ZFP69: variants seen among roughly 807,000 people sequenced by gnomAD.
The protein encoded by ZFP69 is zinc finger protein 69 homolog.
A neutral mutation model predicts 48.9 loss-of-function variants in ZFP69; 35 were observed. That is an observed-to-expected ratio of 0.72 (90% confidence interval 0.55 to 0.95). The LOEUF (loss-of-function observed/expected upper bound fraction) is 0.95. Ranked by LOEUF, ZFP69 falls within the 40% of genes least tolerant of loss-of-function variation. ZFP69 has a pLI of 0.00. For missense variants in ZFP69, 557 were observed against 638.4 expected (o/e 0.87, Z 1.37); for synonymous variants, 193 against 216.8 (o/e 0.89, Z 0.96).
chr1:40,484,232 C>A (rs899384730), intron 3 of ZFP69, among the ~76,000 whole-genome samples: 3 of 152,106 alleles, frequency 2.0e-5, no homozygotes, highest in African/African-American at 7.2e-5. Flanking sequence ...CAGAGTCTCC[C>A]TCTGTCACCC....
Position 40,495,683 on chromosome 1 carries a change from T to A in ZFP69, c.1205T>A (p.Ile402Lys). ...FRQIRHLSEHIRIHTGEKPYA... is the reference protein window; with the variant it reads ...FRQIRHLSEHKRIHTGEKPYA... ...CAGATTAGACACCTTAGTGAACATA[T>A]AAGAATTCATACCGGGGAGAAGCCC... The change falls in exon 6 of 6, where the codon ATA (isoleucine) becomes AAA (lysine). Residue 402 changes from isoleucine to lysine, a missense_variant. Ile to Lys is a moderately radical substitution (Grantham distance 102). Coordinates refer to ENST00000372706, the MANE Select transcript of ZFP69 (RefSeq NM_001320179.2). 1.9e-6 allele frequency: 3 copies of A among 1,614,180 alleles called. No individual in the cohort carries two copies. The highest frequency in any genetic ancestry group is 2.2e-5 in the South Asian group (2 of 91,086).
chr1:40,488,636 A>G (rs1645530388), intron 3 of ZFP69, among the ~76,000 whole-genome samples: 1 of 152,164 alleles, frequency 6.6e-6, no homozygotes, highest in Non-Finnish European at 1.5e-5. Flanking sequence ...AGCCAAGGAC[A>G]CTGTCACCTT....
At chr1:40,478,171 C>A (rs941291702) in intron 1 of ZFP69, among the ~76,000 whole-genome samples, 1 of 148,642 alleles carries the variant, frequency 6.7e-6, no homozygotes, top group Non-Finnish European at 1.5e-5. Flanking sequence ...ACATACCCAT[C>A]CTTCTCCAAC....
chr1:40,490,381 G>A lies in ZFP69; in HGVS notation c.442+757G>A, dbSNP rs1025655208. Among the ~76,000 whole-genome samples, 11 of 152,258 alleles carry A rather than the reference G, an allele frequency of 7.2e-5. No individual in the cohort carries two copies. In the East Asian group the frequency reaches 1.7e-3, roughly 24 times the overall value. ...AAGGCAGATGGAATTTTAATATGTA[G>A]GTCAGAGTGCTCAAAGCCTCGGCTG... On this transcript the variant is annotated intron_variant, in intron 5 of 5. Coordinates refer to ENST00000372706, the MANE Select transcript of ZFP69 (RefSeq NM_001320179.2).
Position 40,486,387 on chromosome 1 carries a change from T to G in ZFP69, c.220-2701T>G, listed in dbSNP as rs549760506. 7.4e-4 allele frequency among the ~76,000 whole-genome samples: 112 copies of G among 151,172 alleles called. 2 individuals carry two copies. The highest frequency in any genetic ancestry group is 2.6e-3 in the African/African-American group (106 of 41,242). Reference sequence around the variant, plus strand: ...TGCTCTTTCTCCCTCCCTGCTTCCCTTCCTCCCTTCCTCCCTCCTTTCCTC... The same window carrying G: ...TGCTCTTTCTCCCTCCCTGCTTCCCGTCCTCCCTTCCTCCCTCCTTTCCTC... On this transcript the variant is annotated intron_variant, in intron 3 of 5. Transcript: ENST00000372706.
intron 5 of ZFP69, among the ~76,000 whole-genome samples, chr1:40,494,585 T>G (rs1645606249): frequency 6.8e-6 from 1 of 146,970 alleles, no homozygotes; most frequent in South Asian, 2.1e-4. Context: ...TTATATGATA[T>G]TTATAAATAT....
At chr1:40,485,046 CCAT>C (rs1645482176) in intron 3 of ZFP69, among the ~76,000 whole-genome samples, 1 of 151,794 alleles carries the variant, frequency 6.6e-6, no homozygotes, top group South Asian at 2.1e-4. Context: ...GCTCCCACCA[CCAT>C]GCCTGGCTAA....
intron 3 of ZFP69, among the ~76,000 whole-genome samples, chr1:40,487,243 C>T (rs948162626): frequency 1.3e-5 from 2 of 151,970 alleles, no homozygotes; most frequent in Admixed American, 1.3e-4. Context: ...TCTTGAGCAG[C>T]GCAGGTTTGA....
At position 40,495,385 on chromosome 1, in the gene ZFP69, G is replaced by T; in HGVS notation, c.907G>T (p.Glu303Ter). The change falls in exon 6 of 6, where the codon GAA (glutamate) becomes TAA (stop). Residue 303 changes from glutamate (E) to a stop codon, truncating the protein, a stop_gained. Transcript: ENST00000372706. LOFTEE classifies it high-confidence loss of function. ...HTGEKPFRCK[E>*]CGRAFSQSAS... Reference sequence around the variant, plus strand: ...TGGTGAGAAACCTTTCAGATGTAAGGAATGTGGAAGGGCCTTTAGTCAAAG... The same window carrying T: ...TGGTGAGAAACCTTTCAGATGTAAGTAATGTGGAAGGGCCTTTAGTCAAAG... The T allele has an allele frequency of 6.2e-7, 1 of 1,614,196 alleles. No homozygotes were observed. The highest frequency in any genetic ancestry group is 8.5e-7 in the Non-Finnish European group (1 of 1,180,044).
chr1:40,479,338 G>C lies in ZFP69; in HGVS notation c.-24G>C, dbSNP rs776983928. On this transcript the variant is annotated 5_prime_UTR_variant, in exon 2 of 6. Coordinates refer to ENST00000372706, the MANE Select transcript of ZFP69 (RefSeq NM_001320179.2). ...TCTGGCAATTTCCTCACCAGAAGTG[G>C]ACAAGTCCAGTAAGGCAGGCATCAT... The C allele has an allele frequency of 3.1e-6, 5 of 1,612,514 alleles. No homozygotes were observed. The highest frequency in any genetic ancestry group is 4.2e-6 in the Non-Finnish European group (5 of 1,179,280).
chr1:40,484,530 T>C (rs1645475721), intron 3 of ZFP69, among the ~76,000 whole-genome samples: 1 of 152,098 alleles, frequency 6.6e-6, no homozygotes, highest in Admixed American at 6.6e-5. Context: ...TGAATCATTT[T>C]TCCAGTATTC....
chr1:40,484,645 A>G (rs1645476830), intron 3 of ZFP69, among the ~76,000 whole-genome samples: 1 of 150,928 alleles, frequency 6.6e-6, no homozygotes, highest in Non-Finnish European at 1.5e-5. Context: ...CAGTGGTGCA[A>G]TCTTGGCTCA....
At chr1:40,494,514 C>T (rs547989981) in intron 5 of ZFP69, among the ~76,000 whole-genome samples, 1 of 146,620 alleles carries the variant, frequency 6.8e-6, no homozygotes, top group South Asian at 2.1e-4. Flanking sequence ...GTGATCCGCC[C>T]GCCTCGGCCT....
chr1:40,491,038 G>A (rs1053474942), intron 5 of ZFP69: 3 of 152,006 alleles, frequency 2.0e-5, no homozygotes, highest in Non-Finnish European at 2.9e-5. Context: ...CCATGTCTTC[G>A]TGCTTTTATT....
chr1:40,481,704 A>G (rs1021155902), intron 2 of ZFP69, 59 bp from the exon 3 acceptor site: 5 of 1,413,348 alleles, frequency 3.5e-6, no homozygotes, highest in Admixed American at 2.0e-5. Context: ...TCTGCAGGCA[A>G]TTTCTTTATT....
At chr1:40,494,256 ATTTTTTTTT>A (rs11286167) in intron 5 of ZFP69, among the ~76,000 whole-genome samples, 127 of 52,078 alleles carry the variant, frequency 2.4e-3, no homozygotes, top group African/African-American at 9.3e-3. Context: ...AAGATTCAAA[ATTTTTTTTT>A]TTTTTTTTTT....
intron 3 of ZFP69, among the ~76,000 whole-genome samples, chr1:40,483,103 T>TG (rs1259837213): frequency 6.6e-6 from 1 of 151,950 alleles, no homozygotes; most frequent in South Asian, 2.1e-4. Flanking sequence ...GTGGATCAAC[T>TG]GGGGGTGGAG....
At position 40,481,838 on chromosome 1, in the gene ZFP69, C is replaced by T. The variant is rs769989618; in HGVS notation, c.203C>T (p.Pro68Leu). ...SLEDEVTPGL[P>L]TAESQELLTF... Reference sequence around the variant, plus strand: ...GAGGATGAAGTGACCCCTGGACTCCCGACAGCAGAATCCCAGGTGAGTAGG... The same window carrying T: ...GAGGATGAAGTGACCCCTGGACTCCTGACAGCAGAATCCCAGGTGAGTAGG... Residue 68 changes from proline (P) to leucine (L), a missense_variant, in exon 3 of 6, where the codon CCG (proline) becomes CTG (leucine). Physicochemically the swap from Pro to Leu is moderately conservative, Grantham distance 98. Coordinates refer to ENST00000372706, the MANE Select transcript of ZFP69 (RefSeq NM_001320179.2). 1.7e-4 allele frequency: 279 copies of T among 1,612,058 alleles called. No individual in the cohort carries two copies. Among genetic ancestry groups the T allele is most frequent in the Non-Finnish European group, 2.3e-4 (271 of 1,178,688 alleles).
At chr1:40,488,644 C>T (rs1396834868) in intron 3 of ZFP69, among the ~76,000 whole-genome samples, 2 of 152,226 alleles carry the variant, frequency 1.3e-5, no homozygotes, top group Non-Finnish European at 2.9e-5. Context: ...ACACTGTCAC[C>T]TTAGGTCCTT....
Sources: allele counts gnomAD v4.1 joint callset (sites outside exome capture counted in the v4.1 genomes callset), GRCh38; gene constraint gnomAD v4.1.1; transcripts MANE v1.5; gene names NCBI Gene and HGNC (gene_info 2026-07-23, HGNC 2026-07-21).